CTNNA2: variants seen among roughly 807,000 people sequenced by gnomAD.
CTNNA2 encodes the protein catenin alpha 2, also known as catenin alpha-2.
CTNNA2 carries 42 observed loss-of-function variants against 101.0 expected under a neutral mutation model. The observed-to-expected ratio is 0.42, with a 90% CI of 0.32 to 0.54. The LOEUF (loss-of-function observed/expected upper bound fraction) is 0.54. CTNNA2 is among the 20% of genes least tolerant of loss of function. CTNNA2 has a pLI of 0.14. For missense variants in CTNNA2, 871 were observed against 1,223.1 expected (o/e 0.71, Z 4.29); for synonymous variants, 450 against 456.4 (o/e 0.99, Z 0.18).
chr2:79,573,488 A>G (rs918786057), intron 1 of CTNNA2, among the ~76,000 whole-genome samples: 1 of 152,244 alleles, frequency 6.6e-6, no homozygotes, highest in East Asian at 1.9e-4. Flanking sequence ...CAGAAGCCAT[A>G]GTGAAACAGA....
intron 9 of CTNNA2, among the ~76,000 whole-genome samples, chr2:80,528,252 G>A (rs1431850222): frequency 1.3e-5 from 2 of 152,166 alleles, no homozygotes; most frequent in Non-Finnish European, 2.9e-5. Context: ...CTGGAGTACA[G>A]TGGCGTGATC....
At chr2:80,635,130 T>C (rs2149839466) in intron 18 of CTNNA2, among the ~76,000 whole-genome samples, 1 of 152,248 alleles carries the variant, frequency 6.6e-6, no homozygotes, top group South Asian at 2.1e-4. Flanking sequence ...TTAAAAGTAA[T>C]AGGAAACCCC....
At chr2:79,699,862 C>A (rs1684888946) in intron 2 of CTNNA2, among the ~76,000 whole-genome samples, 1 of 143,502 alleles carries the variant, frequency 7.0e-6, no homozygotes. Flanking sequence ...TATTTATATA[C>A]ATATGTGTGT....
At chr2:79,960,368 G>A (rs1427454457) in intron 7 of CTNNA2, among the ~76,000 whole-genome samples, 2 of 152,150 alleles carry the variant, frequency 1.3e-5, no homozygotes, top group Admixed American at 1.3e-4. Context: ...ATTGTTTATA[G>A]AAGCCCTCTA....
intron 7 of CTNNA2, among the ~76,000 whole-genome samples, chr2:80,184,062 G>A (rs1418651641): frequency 6.6e-6 from 1 of 150,612 alleles, no homozygotes; most frequent in African/African-American, 2.5e-5. Context: ...ACCATTGTAG[G>A]CTATAATAAT....
chr2:80,090,741 T>C (rs1486579950), intron 7 of CTNNA2, among the ~76,000 whole-genome samples: 2 of 152,078 alleles, frequency 1.3e-5, no homozygotes, highest in African/African-American at 2.4e-5. Flanking sequence ...AAAATAGTCA[T>C]GTCTAGGTTG....
chr2:79,868,003 G>A (rs564270351), intron 4 of CTNNA2, among the ~76,000 whole-genome samples: 23 of 152,268 alleles, frequency 1.5e-4, no homozygotes, highest in African/African-American at 5.1e-4. Flanking sequence ...TCTGAGGTAC[G>A]AGATTCTCTT....
chr2:80,350,039 C>A (rs189613868), intron 7 of CTNNA2, among the ~76,000 whole-genome samples: 2 of 152,218 alleles, frequency 1.3e-5, no homozygotes, highest in East Asian at 3.9e-4. Context: ...ATTTAAAATA[C>A]AATGGAGTAT....
chr2:80,156,511 G>C (rs1468999581), intron 7 of CTNNA2, among the ~76,000 whole-genome samples: 1 of 152,228 alleles, frequency 6.6e-6, no homozygotes, highest in African/African-American at 2.4e-5. Flanking sequence ...CTGGGCAGGT[G>C]CTCCATGTAG....
chr2:80,313,798 T>G, intron 7 of CTNNA2: 1 of 645,484 alleles, frequency 1.5e-6, no homozygotes, highest in Non-Finnish European at 2.7e-6. Context: ...GGAGAAAGGA[T>G]ACTGAAAGCA....
intron 2 of CTNNA2, among the ~76,000 whole-genome samples, chr2:79,249,769 A>G (rs1211466930): frequency 1.3e-5 from 2 of 152,146 alleles, no homozygotes; most frequent in African/African-American, 4.8e-5. Context: ...CTTCTTGCAT[A>G]GTTTCCAACA....
At chr2:79,440,138 G>C (rs1221365437) in intron 4 of CTNNA2, among the ~76,000 whole-genome samples, 1 of 152,072 alleles carries the variant, frequency 6.6e-6, no homozygotes, top group African/African-American at 2.4e-5. Flanking sequence ...TCTATTAAGA[G>C]TTAAAATAAC....
chr2:80,543,767 A>G (rs1023129152), intron 9 of CTNNA2, among the ~76,000 whole-genome samples: 5 of 152,168 alleles, frequency 3.3e-5, no homozygotes, highest in African/African-American at 1.2e-4. Context: ...GGTACATTCT[A>G]AAATCCTAGG....
chr2:80,585,297 G>A (rs558535520), intron 14 of CTNNA2, among the ~76,000 whole-genome samples: 4 of 152,062 alleles, frequency 2.6e-5, no homozygotes, highest in Non-Finnish European at 5.9e-5. Flanking sequence ...AGTGTAATAG[G>A]TATAGTTTAT....
intron 9 of CTNNA2, among the ~76,000 whole-genome samples, chr2:80,443,200 CT>C (rs1467054438): frequency 2.0e-5 from 3 of 152,098 alleles, no homozygotes; most frequent in Non-Finnish European, 2.9e-5. Context: ...GCATCGCTTG[CT>C]TTTATAAGAT....
chr2:80,037,805 T>C (rs909816176), intron 7 of CTNNA2, among the ~76,000 whole-genome samples: 11 of 152,236 alleles, frequency 7.2e-5, no homozygotes, highest in African/African-American at 2.7e-4. Flanking sequence ...TTAGTTTTCT[T>C]ATCAAACACT....
intron 18 of CTNNA2, among the ~76,000 whole-genome samples, chr2:80,644,441 A>G (rs918095846): frequency 2.0e-5 from 3 of 152,188 alleles, no homozygotes; most frequent in African/African-American, 7.2e-5. Context: ...TAAACTTGGT[A>G]TTTAAAAACT....
At position 80,621,451 on chromosome 2, in the gene CTNNA2, A is replaced by AT. The variant is rs1347708362; in HGVS notation, c.2574+2226dup. On this transcript the variant is annotated intron_variant, in intron 18 of 18. Transcript: ENST00000402739. ...CCATTTCTTTTAAATAGACAACGTC[A>AT]TTTGATTAATCTGCTAAATCTAAAC... Among the ~76,000 whole-genome samples, 8 of 152,076 alleles carry AT rather than the reference A, an allele frequency of 5.3e-5. No individual in the cohort carries two copies. In the East Asian group the frequency reaches 1.6e-3, roughly 30 times the overall value.
intron 4 of CTNNA2, among the ~76,000 whole-genome samples, chr2:79,478,222 C>T (rs535137020): frequency 2.6e-5 from 4 of 152,170 alleles, no homozygotes; most frequent in African/African-American, 7.2e-5. Flanking sequence ...CAACCAGCTG[C>T]GTGCTCAACA....
Sources: gnomAD v4.1 joint callset for allele counts (sites outside exome capture counted in the v4.1 genomes callset) on GRCh38, gnomAD v4.1.1 for gene constraint, MANE v1.5 for transcripts, NCBI Gene and HGNC (gene_info 2026-07-23, HGNC 2026-07-21) for gene names.